NALCN: variants seen among roughly 807,000 people sequenced by gnomAD.
The protein encoded by NALCN is sodium leak channel, non-selective.
In NALCN, 111 loss-of-function variants were observed where a neutral mutation model predicts 225.3. That is an observed-to-expected ratio of 0.49 (90% CI 0.42 to 0.58). NALCN has a LOEUF of 0.58. NALCN is among the 20% of genes least tolerant of loss of function. The probability of loss-of-function intolerance (pLI) is 0.00; values close to 1 mark genes in which losing one functional copy is unlikely to be tolerated. For missense variants in NALCN, 1,378 were observed against 2,202.4 expected, an observed-to-expected ratio of 0.63 and a Z score of 7.49; for synonymous variants, 764 against 769.0, an observed-to-expected ratio of 0.99 and a Z score of 0.11.
chr13:101,369,328 T>C (rs1010988816), intron 6 of NALCN, among the ~76,000 whole-genome samples: 7 of 152,162 alleles, frequency 4.6e-5, no homozygotes, highest in Admixed American at 1.3e-4. Context: ...ACTTCATTTT[T>C]AGGATAAAGT....
In NALCN at chr13:101,089,483, T is replaced by C. The variant is rs1156709698; in HGVS notation, c.3489+180A>G. The stretch of plus-strand genomic sequence containing the variant: ...TAAATTTAGCAAGAGAACTGTACTC[T>C]TAAATAATGTGTCTGAAAAGCAGCA... On this transcript the variant is annotated intron_variant, in intron 30 of 43. Coordinates refer to ENST00000251127, the MANE Select transcript of NALCN (RefSeq NM_052867.4). The surrounding 1 kb of genome is among the most constrained non-coding windows in gnomAD (Gnocchi z 4.7). 6.6e-6 allele frequency among the ~76,000 whole-genome samples: 1 copy of C among 151,898 alleles called. No individual in the cohort carries two copies. The highest frequency in any genetic ancestry group is 1.5e-5 in the Non-Finnish European group (1 of 67,794).
At chr13:101,328,550 C>A (rs2045046458) in intron 7 of NALCN, among the ~76,000 whole-genome samples, 1 of 152,100 alleles carries the variant, frequency 6.6e-6, no homozygotes, top group Non-Finnish European at 1.5e-5. Context: ...CAATCTAAAT[C>A]TAATGCCATG....
chr13:101,334,001 C>T (rs1342980886), intron 7 of NALCN, among the ~76,000 whole-genome samples: 1 of 151,996 alleles, frequency 6.6e-6, no homozygotes, highest in Non-Finnish European at 1.5e-5. Context: ...TTTCAAAAGG[C>T]AATCTATCAA....
intron 17 of NALCN, among the ~76,000 whole-genome samples, chr13:101,136,033 C>A (rs982486808): frequency 1.9e-4 from 29 of 152,158 alleles, no homozygotes; most frequent in Admixed American, 1.9e-3. Flanking sequence ...ATAGTTCCAA[C>A]CTAAAAATGG....
Position 101,139,093 on chromosome 13 carries a change from T to G in NALCN, c.2118+3987A>C, listed in dbSNP as rs1453186823. ...AGGATCTGGGTCAGCCCCAAGATTT[T>G]AAAGATTTTTGTTTGCTGGTTGTTT... On this transcript the variant is annotated intron_variant, in intron 17 of 43. Coordinates refer to ENST00000251127, the MANE Select transcript of NALCN (RefSeq NM_052867.4). Among the ~76,000 whole-genome samples, 4 of 152,300 alleles carry G rather than the reference T, an allele frequency of 2.6e-5. 1 individual carries two copies. In the South Asian group the frequency reaches 8.3e-4, roughly 32 times the overall value.
intron 7 of NALCN, among the ~76,000 whole-genome samples, chr13:101,300,041 G>A (rs576006740): frequency 3.6e-4 from 54 of 151,594 alleles, no homozygotes; most frequent in African/African-American, 1.2e-3. Flanking sequence ...AAGCAGCAGC[G>A]AGGGGTGTGT....
chr13:101,184,903 TC>T (rs1463752693), intron 14 of NALCN, among the ~76,000 whole-genome samples: 8 of 152,178 alleles, frequency 5.3e-5, no homozygotes, highest in Non-Finnish European at 4.4e-5. Flanking sequence ...ATGATTTTTT[TC>T]CTTTTATATA....
intron 9 of NALCN, among the ~76,000 whole-genome samples, chr13:101,284,289 T>C (rs978196360): frequency 6.6e-6 from 1 of 152,256 alleles, no homozygotes; most frequent in African/African-American, 2.4e-5. Context: ...TGCTCAAATA[T>C]TCTTCTCCAC....
chr13:101,278,455 G>A (rs1047874006), intron 10 of NALCN, among the ~76,000 whole-genome samples: 2 of 149,690 alleles, frequency 1.3e-5, no homozygotes, highest in African/African-American at 2.5e-5. Context: ...CCTGGGAGGC[G>A]GAGGTTGCAA....
chr13:101,061,919 AGGGCGGGGCG>A lies in NALCN; in HGVS notation c.4755+39_4755+48del, dbSNP rs752066253. ...CTTTTCTTTCATCCTCCTGCGGGGC[AGGGCGGGGCG>A]GGGCGGGGACCCAACCTGCATGTGT... On this transcript the variant is annotated intron_variant, in intron 41 of 43. Transcript: ENST00000251127. 1.3e-5 allele frequency: 18 copies of A among 1,368,550 alleles called. No homozygotes were observed. In the South Asian group the frequency reaches 2.3e-4, roughly 17 times the overall value. 84.8% of individuals were successfully genotyped at this position (1,368,550 alleles called of 1,614,324 possible).
chr13:101,281,210 C>T (rs767951991), intron 10 of NALCN, among the ~76,000 whole-genome samples: 54 of 152,100 alleles, frequency 3.6e-4, no homozygotes, highest in African/African-American at 1.1e-3. Flanking sequence ...CCTCTCAAAG[C>T]GGACCCCAAT....
At position 101,283,951 on chromosome 13, in the gene NALCN, G is replaced by A. The variant is rs200582234; in HGVS notation, c.1116C>T (p.Arg372=). 6.9e-5 allele frequency: 111 copies of A among 1,612,956 alleles called. No individual in the cohort carries two copies. In the East Asian group the frequency reaches 7.6e-4, roughly 11 times the overall value. ...ACTGCACCTGGAGGCAGGCTGGGGC[G>A]CGTCCCTGGGGCTTGTTGACATCCA... The part of the protein sequence containing the change: ...VAVDVNKPQG[R]APACLQKMMR... Residue 372 remains arginine, a synonymous_variant, in exon 10 of 44, where the codon CGC becomes CGT. Transcript: ENST00000251127.
At chr13:101,110,867 A>C (rs538064984) in intron 19 of NALCN, among the ~76,000 whole-genome samples, 179 bp from the exon 20 acceptor site, 14 of 152,232 alleles carry the variant, frequency 9.2e-5, no homozygotes, top group Non-Finnish European at 1.5e-4. Flanking sequence ...ATCTAACAAA[A>C]TTCAGAATTT....
chr13:101,410,740 CA>C, intron 1 of NALCN, among the ~76,000 whole-genome samples: 1 of 152,236 alleles, frequency 6.6e-6, no homozygotes, highest in Admixed American at 6.5e-5. Context: ...GGGAATGAAG[CA>C]AAGGATTTAC....
chr13:101,317,270 A>G (rs563033810), intron 7 of NALCN, among the ~76,000 whole-genome samples: 30 of 152,334 alleles, frequency 2.0e-4, no homozygotes, highest in African/African-American at 5.3e-4. Flanking sequence ...GATATAGAAC[A>G]TCTTTACAGG....
At chr13:101,319,998 T>C (rs906976281) in intron 7 of NALCN, among the ~76,000 whole-genome samples, 3 of 152,214 alleles carry the variant, frequency 2.0e-5, no homozygotes, top group African/African-American at 4.8e-5. Flanking sequence ...ATGTTTCCCA[T>C]GATAGTTAAC....
chr13:101,264,162 T>C (rs911950980), intron 10 of NALCN, among the ~76,000 whole-genome samples: 2 of 152,156 alleles, frequency 1.3e-5, no homozygotes, highest in Non-Finnish European at 2.9e-5. Context: ...GATGAACACA[T>C]ACATCTCTAG....
chr13:101,168,360 T>C lies in NALCN; in HGVS notation c.1839+7940A>G, dbSNP rs78435952. 2.5e-3 allele frequency among the ~76,000 whole-genome samples: 374 copies of C among 152,278 alleles called. 1 individual carries two copies. Among genetic ancestry groups the C allele is most frequent in the African/African-American group, 8.8e-3 (367 of 41,560 alleles). ...GTATCTCTCCATAGACATTGTCTCA[T>C]AGATATTTCCCAGGCATCTCAGGGA... On this transcript the variant is annotated intron_variant, in intron 15 of 43. Coordinates refer to ENST00000251127, the MANE Select transcript of NALCN (RefSeq NM_052867.4).
intron 11 of NALCN, among the ~76,000 whole-genome samples, 194 bp from the exon 12 acceptor site, chr13:101,238,116 T>G (rs1021766333): frequency 2.0e-5 from 3 of 151,962 alleles, no homozygotes; most frequent in African/African-American, 7.2e-5. Context: ...CAAAGCAATC[T>G]TAAACAATTA....
Sources: gnomAD v4.1 joint callset for allele counts (sites outside exome capture counted in the v4.1 genomes callset) on GRCh38, gnomAD v4.1.1 for gene constraint, Gnocchi (gnomAD v3.1) non-coding constraint, MANE v1.5 for transcripts, NCBI Gene and HGNC (gene_info 2026-07-23, HGNC 2026-07-21) for gene names.